The following STK24 variants were observed in gnomAD, a reference collection of about 807,000 sequenced individuals.
STK24 encodes serine/threonine-protein kinase 24.
STK24 carries 21 observed loss-of-function variants against 55.6 expected under a neutral mutation model. The ratio of observed to expected loss-of-function variants is 0.38; its 90% CI spans 0.27 to 0.54. The LOEUF is 0.54. Among genes scored for constraint, STK24 ranks in the 20% least tolerant of loss-of-function variants. The probability of loss-of-function intolerance (pLI) is 0.79; values close to 1 mark genes in which losing one functional copy is unlikely to be tolerated. For synonymous variants in STK24, 200 were observed against 215.2 expected (o/e 0.93, Z 0.62); for missense variants, 383 against 538.4 (o/e 0.71, Z 2.86).
At chr13:98,471,620 T>G (rs1894148841) in intron 5 of STK24, among the ~76,000 whole-genome samples, 1 of 152,158 alleles carries the variant, frequency 6.6e-6, no homozygotes, top group Non-Finnish European at 1.5e-5. Flanking sequence ...GACATAAGAT[T>G]CTCTTTGTAT....
intron 2 of STK24, among the ~76,000 whole-genome samples, chr13:98,489,483 G>T (rs1894936326): frequency 6.6e-6 from 1 of 152,234 alleles, no homozygotes; most frequent in African/African-American, 2.4e-5. Context: ...TACCCAGGGT[G>T]GCTGAGGGGG....
Position 98,475,374 on chromosome 13 carries a change from A to G in STK24, c.331-16T>C, listed in dbSNP as rs370885506. On this transcript the variant is annotated splice_polypyrimidine_tract_variant and intron_variant, in intron 3 of 10. Coordinates refer to ENST00000539966, the MANE Select transcript of STK24 (RefSeq NM_001032296.4). The stretch of plus-strand genomic sequence containing the variant: ...CAGGTTCTAACTAAGAAGAGAAAAA[A>G]ATTCTTAAAGTTACTTAAATGATTA... 1 of 1,556,686 alleles carries G rather than the reference A, an allele frequency of 6.4e-7. No individual in the cohort carries two copies. Among genetic ancestry groups the G allele is most frequent in the Non-Finnish European group, 8.7e-7 (1 of 1,144,426 alleles).
At chr13:98,544,920 C>A (rs1420737091) in intron 1 of STK24, among the ~76,000 whole-genome samples, 1 of 152,058 alleles carries the variant, frequency 6.6e-6, no homozygotes, top group Non-Finnish European at 1.5e-5. Flanking sequence ...GACAAAAAAG[C>A]ATATCATCTG....
chr13:98,576,632 G>T, intron 1 of STK24, 113 bp downstream of exon 1: 1 of 894,724 alleles, frequency 1.1e-6, no homozygotes, highest in Non-Finnish European at 1.5e-6. Context: ...CGGGGAGCCA[G>T]GCTCCGGCGC....
chr13:98,540,547 A>G (rs1409148882), intron 1 of STK24, among the ~76,000 whole-genome samples: 2 of 152,092 alleles, frequency 1.3e-5, no homozygotes, highest in East Asian at 3.9e-4. Context: ...TGAAAACAAA[A>G]CCAAAAAAAG....
At chr13:98,505,189 G>A (rs1046591154) in intron 2 of STK24, 7 of 152,202 alleles carry the variant, frequency 4.6e-5, no homozygotes, top group African/African-American at 1.7e-4. Context: ...GATCCACCAA[G>A]GTATAAAGGA....
intron 2 of STK24, among the ~76,000 whole-genome samples, chr13:98,503,103 C>T (rs1474704392): frequency 2.1e-5 from 3 of 142,510 alleles, no homozygotes; most frequent in African/African-American, 7.8e-5. Flanking sequence ...GGCATAAACT[C>T]AACTGCCAAA....
At chr13:98,520,558 TGAG>T in intron 1 of STK24, among the ~76,000 whole-genome samples, 1 of 151,942 alleles carries the variant, frequency 6.6e-6, no homozygotes, top group Non-Finnish European at 1.5e-5. Flanking sequence ...AGAAAGAGAA[TGAG>T]GAGAAGAAAG....
At chr13:98,482,024 G>A (rs184499348) in intron 3 of STK24, among the ~76,000 whole-genome samples, 38 of 149,708 alleles carry the variant, frequency 2.5e-4, no homozygotes, top group Non-Finnish European at 5.0e-4. Flanking sequence ...CTGAGATTGC[G>A]CCACTGCACT....
At chr13:98,542,612 T>C (rs1896919896) in intron 1 of STK24, among the ~76,000 whole-genome samples, 1 of 152,194 alleles carries the variant, frequency 6.6e-6, no homozygotes, top group Non-Finnish European at 1.5e-5. Flanking sequence ...AGGTAGTTCA[T>C]GCACTTCAGA....
At chr13:98,487,364 G>C (rs534415481) in intron 2 of STK24, among the ~76,000 whole-genome samples, 1 of 152,124 alleles carries the variant, frequency 6.6e-6, no homozygotes, top group Non-Finnish European at 1.5e-5. Context: ...AGTTATGAAT[G>C]ACCTCGTGAT....
Position 98,498,309 on chromosome 13 carries a change from G to T in STK24, c.274-15988C>A, listed in dbSNP as rs560332823. Among the ~76,000 whole-genome samples, 7 of 152,338 alleles carry T rather than the reference G, an allele frequency of 4.6e-5. No individual in the cohort carries two copies. In the East Asian group the frequency reaches 1.3e-3, roughly 29 times the overall value. ...CACTGGACAAAGTGGTGAAAGACTA[G>T]GATGAACTAAGGAATTCAAATGCTC... On this transcript the variant is annotated intron_variant, in intron 2 of 10. Coordinates refer to ENST00000539966, the MANE Select transcript of STK24 (RefSeq NM_001032296.4).
chr13:98,536,106 G>A (rs866840448), intron 1 of STK24, among the ~76,000 whole-genome samples: 1 of 152,186 alleles, frequency 6.6e-6, no homozygotes, highest in African/African-American at 2.4e-5. Context: ...CATAGACAAG[G>A]TTGATTTGTC....
chr13:98,516,484 T>C (rs1332797431), intron 2 of STK24, among the ~76,000 whole-genome samples: 2 of 152,236 alleles, frequency 1.3e-5, no homozygotes, highest in African/African-American at 4.8e-5. Flanking sequence ...GCACACAGCC[T>C]GTGTCCTCTT....
intron 1 of STK24, among the ~76,000 whole-genome samples, chr13:98,547,211 T>A (rs1472322329): frequency 6.6e-6 from 1 of 151,880 alleles, no homozygotes; most frequent in Admixed American, 6.6e-5. Context: ...CGCGCCCAGC[T>A]ATCTAATTGT....
intron 2 of STK24, among the ~76,000 whole-genome samples, chr13:98,501,399 G>C (rs1169112816): frequency 6.6e-6 from 1 of 152,246 alleles, no homozygotes; most frequent in East Asian, 1.9e-4. Flanking sequence ...GGCAGCGAGA[G>C]AGACTCCAGA....
At chr13:98,576,000 G>A in intron 1 of STK24, 2 of 985,044 alleles carry the variant, frequency 2.0e-6, no homozygotes. Context: ...AGTACCGAAA[G>A]AGAGGTTTAC....
chr13:98,542,629 AAC>A (rs1476449183), intron 1 of STK24, among the ~76,000 whole-genome samples: 1 of 152,190 alleles, frequency 6.6e-6, no homozygotes. Context: ...CAGATAAAGA[AAC>A]ACACATTAAA....
chr13:98,515,502 A>T (rs576321366), intron 2 of STK24, among the ~76,000 whole-genome samples: 1 of 146,872 alleles, frequency 6.8e-6, no homozygotes, highest in Admixed American at 6.7e-5. Flanking sequence ...CAGGCCTCAG[A>T]TCCATAAATA....
Sources: allele counts gnomAD v4.1 joint callset (sites outside exome capture counted in the v4.1 genomes callset), GRCh38; gene constraint gnomAD v4.1.1; transcripts MANE v1.5; gene names NCBI Gene and HGNC (gene_info 2026-07-23, HGNC 2026-07-21).